The following PRKCH variants were observed in gnomAD, a reference collection of about 807,000 sequenced individuals.
The protein encoded by PRKCH is protein kinase C eta type.
PRKCH carries 28 observed loss-of-function variants against 82.5 expected under a neutral mutation model. The observed-to-expected ratio is 0.34, with a 90% confidence interval of 0.25 to 0.47. The LOEUF is 0.47. Ranked by LOEUF, PRKCH falls within the 20% of genes least tolerant of loss-of-function variation. The pLI is 1.00. For synonymous variants in PRKCH, 322 were observed against 327.4 expected, an observed-to-expected ratio of 0.98 and a Z score of 0.18; for missense variants, 705 against 881.8, an observed-to-expected ratio of 0.80 and a Z score of 2.54.
At chr14:61,485,772 C>A in intron 10 of PRKCH, 116 bp downstream of exon 10, 1 of 1,371,688 alleles carries the variant, frequency 7.3e-7, no homozygotes, top group Non-Finnish European at 9.9e-7. Flanking sequence ...ATTAAATTCA[C>A]AGAAGTTTTG....
chr14:61,193,396 G>T (rs151323746), intron 1 of PRKCH, among the ~76,000 whole-genome samples: 2 of 151,920 alleles, frequency 1.3e-5, no homozygotes, highest in African/African-American at 4.8e-5. Context: ...CAACCAAGAG[G>T]CCTTTGTTTT....
At chr14:61,523,222 C>T (rs567817025) in intron 10 of PRKCH, among the ~76,000 whole-genome samples, 1 of 152,338 alleles carries the variant, frequency 6.6e-6, no homozygotes, top group African/African-American at 2.4e-5. Context: ...CTCAAGGACT[C>T]TGTAAAATCC....
In PRKCH at chr14:61,346,192, A is replaced by AT. The variant is rs200675346; in HGVS notation, c.363+23737dup. Among the ~76,000 whole-genome samples the AT allele has an allele frequency of 5.1e-4, 78 of 151,484 alleles. No individual in the cohort carries two copies. The East Asian group carries it at 8.3e-3, about 16-fold the overall frequency. On this transcript the variant is annotated intron_variant, in intron 1 of 13. Transcript: ENST00000332981. ...AAGAAAGCTTGTCAGGGTGGCACCAATTTTTTTTTAGCAATTTAATGAATG... is the reference window on the plus strand; with the variant it reads ...AAGAAAGCTTGTCAGGGTGGCACCAATTTTTTTTTTAGCAATTTAATGAATG...
At chr14:61,202,683 T>C (rs2044491499) in intron 1 of PRKCH, among the ~76,000 whole-genome samples, 1 of 151,952 alleles carries the variant, frequency 6.6e-6, no homozygotes, top group African/African-American at 2.4e-5. Flanking sequence ...GAGGTTAGTT[T>C]TTATCTCCAC....
chr14:61,301,407 C>T (rs548750243), intron 1 of PRKCH, among the ~76,000 whole-genome samples: 10 of 152,274 alleles, frequency 6.6e-5, no homozygotes, highest in Admixed American at 5.2e-4. Flanking sequence ...TAGCATATAT[C>T]GTACCTAAGA....
chr14:61,454,301 C>T (rs1399792281), intron 7 of PRKCH, among the ~76,000 whole-genome samples: 1 of 152,004 alleles, frequency 6.6e-6, no homozygotes, highest in African/African-American at 2.4e-5. Context: ...CGGAGTTTCT[C>T]CATGTTGGCC....
intron 1 of PRKCH, among the ~76,000 whole-genome samples, chr14:61,382,521 A>G (rs953304209): frequency 2.6e-5 from 4 of 152,082 alleles, no homozygotes; most frequent in African/African-American, 9.7e-5. Flanking sequence ...ACCTGTTGGA[A>G]TTTTTTTTCT....
At chr14:61,320,421 G>T (rs1181892683), upstream of PRKCH, among the ~76,000 whole-genome samples, 1 of 152,130 alleles carries the variant, frequency 6.6e-6, no homozygotes, top group African/African-American at 2.4e-5. Flanking sequence ...CCAACATGGA[G>T]AAACCCTGTC....
At chr14:61,389,283 G>A (rs1230263432) in intron 1 of PRKCH, among the ~76,000 whole-genome samples, 1 of 151,808 alleles carries the variant, frequency 6.6e-6, no homozygotes, top group Non-Finnish European at 1.5e-5. Context: ...CCAGGTGGTC[G>A]AGGCTACAGT....
intron 1 of PRKCH, among the ~76,000 whole-genome samples, chr14:61,357,467 G>C (rs1435229738): frequency 6.6e-6 from 1 of 152,156 alleles, no homozygotes; most frequent in Admixed American, 6.5e-5. Flanking sequence ...GCCTTGCTCT[G>C]TTAGTCATTG....
At chr14:61,458,468 G>A (rs1255261185) in intron 9 of PRKCH, among the ~76,000 whole-genome samples, 2 of 152,144 alleles carry the variant, frequency 1.3e-5, no homozygotes, top group African/African-American at 4.8e-5. Context: ...ACCTTGGCAT[G>A]ATAGCATCCA....
intron 2 of PRKCH, among the ~76,000 whole-genome samples, chr14:61,420,040 C>T (rs1882754247): frequency 6.6e-6 from 1 of 152,208 alleles, no homozygotes; most frequent in Non-Finnish European, 1.5e-5. Flanking sequence ...TGGCCCTGCT[C>T]ATGGGCATTC....
intron 10 of PRKCH, among the ~76,000 whole-genome samples, chr14:61,514,543 C>T (rs570672155): frequency 2.0e-5 from 3 of 152,114 alleles, no homozygotes; most frequent in South Asian, 4.1e-4. Flanking sequence ...AGCAGCTTCA[C>T]GTTGGCTGTA....
chr14:61,412,780 A>G (rs4902055), intron 2 of PRKCH, among the ~76,000 whole-genome samples: 53,134 of 151,724 alleles, frequency 0.35, 9,927 homozygotes, highest in East Asian at 0.6. Flanking sequence ...TCCCACTCAT[A>G]TTCTCTTTCT....
At chr14:61,518,940 G>A (rs2042864848) in intron 10 of PRKCH, among the ~76,000 whole-genome samples, 1 of 151,918 alleles carries the variant, frequency 6.6e-6, no homozygotes, top group Non-Finnish European at 1.5e-5. Context: ...AGCCTCCCAA[G>A]TAGCTGGACC....
chr14:61,397,751 C>T (rs1291354625), intron 2 of PRKCH, among the ~76,000 whole-genome samples: 5 of 152,152 alleles, frequency 3.3e-5, no homozygotes, highest in African/African-American at 1.2e-4. Flanking sequence ...GAACAGAACA[C>T]AAAAGGCTTT....
intron 10 of PRKCH, among the ~76,000 whole-genome samples, chr14:61,506,025 T>C (rs1887131174): frequency 6.6e-6 from 1 of 152,102 alleles, no homozygotes; most frequent in South Asian, 2.1e-4. Context: ...TATTCACTTT[T>C]TCCAGAGTCC....
At chr14:61,423,163 C>T (rs1882944048) in intron 2 of PRKCH, among the ~76,000 whole-genome samples, 1 of 152,184 alleles carries the variant, frequency 6.6e-6, no homozygotes. Context: ...CTTTGAAAAG[C>T]AGGCAGTCCC....
At chr14:61,214,356 C>T (rs1279777551) in intron 1 of PRKCH, among the ~76,000 whole-genome samples, 1 of 152,040 alleles carries the variant, frequency 6.6e-6, no homozygotes, top group Non-Finnish European at 1.5e-5. Flanking sequence ...TTGGAAATTG[C>T]TGGATCATAT....
Sources: gnomAD v4.1 joint callset for allele counts (sites outside exome capture counted in the v4.1 genomes callset) on GRCh38, gnomAD v4.1.1 for gene constraint, MANE v1.5 for transcripts, NCBI Gene and HGNC (gene_info 2026-07-23, HGNC 2026-07-21) for gene names.